RIN3: variants seen among roughly 807,000 people sequenced by gnomAD.
The protein encoded by RIN3 is Ras and Rab interactor 3.
In RIN3, 54 loss-of-function variants were observed where a neutral mutation model predicts 76.3. That is an observed-to-expected ratio of 0.71 (90% CI 0.57 to 0.89). The LOEUF (loss-of-function observed/expected upper bound fraction) is 0.89. Ranked by LOEUF, RIN3 falls within the 40% of genes least tolerant of loss-of-function variation. RIN3 has a pLI of 0.00. For synonymous variants in RIN3, 576 were observed against 564.0 expected (o/e 1.02, Z -0.30); for missense variants, 1,256 against 1,322.1 (o/e 0.95, Z 0.78).
At chr14:92,655,353 G>A (rs919426790) in intron 6 of RIN3, among the ~76,000 whole-genome samples, 16 of 152,150 alleles carry the variant, frequency 1.1e-4, no homozygotes, top group African/African-American at 3.4e-4. Context: ...GTCTCAAGAA[G>A]GAAAGAGACA....
At chr14:92,610,517 GC>G (rs1267297530) in intron 3 of RIN3, among the ~76,000 whole-genome samples, 1 of 152,188 alleles carries the variant, frequency 6.6e-6, no homozygotes, top group African/African-American at 2.4e-5. Context: ...TCCTGCCCCG[GC>G]TGTAGTCCAA....
At chr14:92,577,335 G>A (rs1243427926) in intron 2 of RIN3, 25 bp from the exon 3 acceptor site, 2 of 1,542,180 alleles carry the variant, frequency 1.3e-6, no homozygotes, top group Admixed American at 3.4e-5. Context: ...AATTCACGGA[G>A]CTGCATCCCC....
intron 1 of RIN3, among the ~76,000 whole-genome samples, chr14:92,522,526 A>G (rs530649149): frequency 3.3e-5 from 5 of 152,248 alleles, no homozygotes; most frequent in African/African-American, 9.6e-5. Context: ...TTGTGGACCT[A>G]TGTTGCCTAC....
intron 3 of RIN3, among the ~76,000 whole-genome samples, chr14:92,603,941 C>T (rs78440108): frequency 0.14 from 21,326 of 152,266 alleles, 1,668 homozygotes; most frequent in Non-Finnish European, 0.17. Context: ...TTCAGAAAAT[C>T]GTGCCTTTGG....
chr14:92,658,104 G>C (rs924296478), intron 6 of RIN3, among the ~76,000 whole-genome samples: 2 of 152,208 alleles, frequency 1.3e-5, no homozygotes, highest in Non-Finnish European at 2.9e-5. Flanking sequence ...GTAGACATGA[G>C]TTCAAGTCCT....
Position 92,656,817 on chromosome 14 carries a change from C to A in RIN3, c.2027-2344C>A, listed in dbSNP as rs1887686987. 6.6e-6 allele frequency among the ~76,000 whole-genome samples: 1 copy of A among 152,194 alleles called. No individual in the cohort carries two copies. The highest frequency in any genetic ancestry group is 1.5e-5 in the Non-Finnish European group (1 of 68,036). ...TCCACAGCAATGGTGCCATTCCAGA[C>A]ACTGCATGTGTCAGCCTCATGACTA... On this transcript the variant is annotated intron_variant, in intron 6 of 9. Transcript: ENST00000216487. This position sits in a 1 kb window ranked among gnomAD's most constrained non-coding sequence, Gnocchi z 5.2.
At chr14:92,590,514 C>T (rs1884942346) in intron 3 of RIN3, among the ~76,000 whole-genome samples, 2 of 152,156 alleles carry the variant, frequency 1.3e-5, no homozygotes, top group African/African-American at 4.8e-5. Flanking sequence ...CCCACTTCAC[C>T]TTCCACCATA....
At chr14:92,566,749 C>T (rs1233173418) in intron 2 of RIN3, among the ~76,000 whole-genome samples, 3 of 152,158 alleles carry the variant, frequency 2.0e-5, no homozygotes, top group African/African-American at 7.2e-5. Context: ...AGGTTTGGCT[C>T]CAGAGCATGC....
chr14:92,621,719 C>T (rs1199757738), intron 4 of RIN3, among the ~76,000 whole-genome samples: 1 of 152,182 alleles, frequency 6.6e-6, no homozygotes, highest in Non-Finnish European at 1.5e-5. Context: ...CAATCGAAAA[C>T]AAATGTTTCC....
intron 1 of RIN3, among the ~76,000 whole-genome samples, chr14:92,544,544 TCTGAA>T (rs1177966663): frequency 6.6e-6 from 1 of 151,902 alleles, no homozygotes; most frequent in African/African-American, 2.4e-5. Context: ...CTCTCTGACT[TCTGAA>T]CTGACTTTAA....
intron 1 of RIN3, among the ~76,000 whole-genome samples, chr14:92,522,752 G>A (rs1475663681): frequency 6.6e-6 from 1 of 152,192 alleles, no homozygotes; most frequent in Non-Finnish European, 1.5e-5. Flanking sequence ...ATTGGCCCCT[G>A]AATTTTTGCT....
chr14:92,616,084 G>A (rs973660855), intron 4 of RIN3: 1 of 152,394 alleles, frequency 6.6e-6, no homozygotes, highest in Non-Finnish European at 1.5e-5. Flanking sequence ...TGCCTCTGAA[G>A]AAAACCATGC....
At chr14:92,612,223 A>G (rs1267536400) in intron 3 of RIN3, among the ~76,000 whole-genome samples, 1 of 152,192 alleles carries the variant, frequency 6.6e-6, no homozygotes, top group Non-Finnish European at 1.5e-5. Flanking sequence ...GAGAAGCAAC[A>G]ACCTCGGCAC....
intron 2 of RIN3, among the ~76,000 whole-genome samples, chr14:92,576,674 G>T (rs1157779773): frequency 6.6e-6 from 1 of 152,124 alleles, no homozygotes; most frequent in Non-Finnish European, 1.5e-5. Context: ...GCTGGAGGAG[G>T]GGACGTCCTG....
chr14:92,571,900 G>A (rs1285987231), intron 2 of RIN3, among the ~76,000 whole-genome samples: 1 of 152,224 alleles, frequency 6.6e-6, no homozygotes, highest in African/African-American at 2.4e-5. Flanking sequence ...TTCGCAGGGG[G>A]AGTCCAGATG....
chr14:92,566,566 G>A (rs1051222091), intron 2 of RIN3, among the ~76,000 whole-genome samples: 3 of 152,264 alleles, frequency 2.0e-5, no homozygotes, highest in East Asian at 1.9e-4. Flanking sequence ...GCACATTGCC[G>A]CCAGAGCCAG....
chr14:92,583,065 C>T lies in RIN3; in HGVS notation c.367+5588C>T, dbSNP rs1303949160. The stretch of plus-strand genomic sequence containing the variant: ...TGTAAGATGGGGATAATGATGGTGC[C>T]GCCATCACAGGGCACTGGAAAGGGT... On this transcript the variant is annotated intron_variant, in intron 3 of 9. Transcript: ENST00000216487. 3.3e-5 allele frequency among the ~76,000 whole-genome samples: 5 copies of T among 152,114 alleles called. No homozygotes were observed. The South Asian group carries it at 6.2e-4, about 19-fold the overall frequency.
At chr14:92,569,928 T>C (rs187270984) in intron 2 of RIN3, among the ~76,000 whole-genome samples, 7 of 152,336 alleles carry the variant, frequency 4.6e-5, no homozygotes, top group Admixed American at 4.6e-4. Context: ...TCTATTTTAT[T>C]TTCTTCTGTT....
At chr14:92,528,452 A>T (rs1214069602) in intron 1 of RIN3, among the ~76,000 whole-genome samples, 2 of 152,160 alleles carry the variant, frequency 1.3e-5, no homozygotes, top group East Asian at 3.9e-4. Flanking sequence ...ACATGAGTGG[A>T]CGTATGTAAG....
Sources: gnomAD v4.1 joint callset for allele counts (sites outside exome capture counted in the v4.1 genomes callset) on GRCh38, gnomAD v4.1.1 for gene constraint, Gnocchi (gnomAD v3.1) non-coding constraint, MANE v1.5 for transcripts, NCBI Gene and HGNC (gene_info 2026-07-23, HGNC 2026-07-21) for gene names.